The following SCRG1 variants were observed in gnomAD, a reference collection of about 807,000 sequenced individuals.
SCRG1 encodes the protein stimulator of chondrogenesis 1.
A neutral mutation model predicts 7.7 loss-of-function variants in SCRG1; 3 were observed. The ratio of observed to expected loss-of-function variants is 0.39; its 90% CI spans 0.18 to 1.01. The LOEUF (loss-of-function observed/expected upper bound fraction) is 1.01, where lower values mean the gene tolerates loss of function less well. Ranked by LOEUF, SCRG1 falls within the 50% of genes least tolerant of loss-of-function variation. The pLI is 0.36. For missense variants in SCRG1, 110 were observed against 117.2 expected, an observed-to-expected ratio of 0.94 and a Z score of 0.28; for synonymous variants, 46 against 41.2, an observed-to-expected ratio of 1.12 and a Z score of -0.44.
chr4:173,459,566 A>G, the SCRG1 span, among the ~76,000 whole-genome samples: 1 of 152,230 alleles, frequency 6.6e-6, no homozygotes, highest in Admixed American at 6.5e-5. Context: ...GAAACAGAAG[A>G]AAATAAAAAC....
At chr4:173,391,465 G>A in intron 1 of SCRG1, 37 bp from the exon 2 acceptor site, 1 of 1,603,294 alleles carries the variant, frequency 6.2e-7, no homozygotes, top group Non-Finnish European at 8.5e-7. Context: ...GTCAATGTTT[G>A]TTTTTTAAAG....
the SCRG1 span, chr4:173,419,447 A>G: frequency 9.9e-7 from 1 of 1,005,116 alleles, no homozygotes; most frequent in Admixed American, 1.8e-5. Context: ...GTCTGGAGTT[A>G]CGCTGTTCTT....
chr4:173,480,780 A>G, the SCRG1 span, among the ~76,000 whole-genome samples: 3 of 152,092 alleles, frequency 2.0e-5, no homozygotes, highest in African/African-American at 7.2e-5. Context: ...TTTTAAATGT[A>G]TGCTGAAGTA....
chr4:173,460,481 A>T, the SCRG1 span, among the ~76,000 whole-genome samples: 73,149 of 152,046 alleles, frequency 0.48, 20,683 homozygotes, highest in Non-Finnish European at 0.64. Context: ...CAGCTAAGCC[A>T]CAGTAGGATA....
chr4:173,491,607 A>C, the SCRG1 span, among the ~76,000 whole-genome samples: 3 of 152,208 alleles, frequency 2.0e-5, no homozygotes, highest in Non-Finnish European at 2.9e-5. Flanking sequence ...TAATATCTGC[A>C]AGTACAGGGT....
the SCRG1 span, among the ~76,000 whole-genome samples, chr4:173,425,881 C>T: frequency 1.3e-5 from 2 of 152,220 alleles, no homozygotes; most frequent in African/African-American, 2.4e-5. Flanking sequence ...TGAGCACTTA[C>T]AATGGGCCAG....
At chr4:173,444,601 G>T in the SCRG1 span, among the ~76,000 whole-genome samples, 9 of 152,168 alleles carry the variant, frequency 5.9e-5, no homozygotes, top group African/African-American at 2.2e-4. Flanking sequence ...GATTTCTGCT[G>T]GTCATACTAT....
the SCRG1 span, among the ~76,000 whole-genome samples, chr4:173,507,909 C>T: frequency 9.7e-3 from 1,483 of 152,346 alleles, 19 homozygotes; most frequent in African/African-American, 0.034. This position sits in a 1 kb window ranked among gnomAD's most constrained non-coding sequence, Gnocchi z 4.4. Flanking sequence ...CGAGGCCCCT[C>T]CGCTGGTGGG....
chr4:173,412,941 T>A, the SCRG1 span, among the ~76,000 whole-genome samples: 1 of 152,138 alleles, frequency 6.6e-6, no homozygotes, highest in Non-Finnish European at 1.5e-5. Context: ...AAATACTCAA[T>A]TTCCCCCATC....
At chr4:173,440,323 A>G in the SCRG1 span, among the ~76,000 whole-genome samples, 4,768 of 152,256 alleles carry the variant, frequency 0.031, 224 homozygotes, top group African/African-American at 0.1. Flanking sequence ...CCTACTCCTC[A>G]CCATGGAATA....
chr4:173,388,932 G>A lies in SCRG1; in HGVS notation c.243-537C>T, dbSNP rs148909818. 2.4e-3 allele frequency among the ~76,000 whole-genome samples: 358 copies of A among 152,164 alleles called. 1 individual carries two copies. The highest frequency in any genetic ancestry group is 8.3e-3 in the African/African-American group (344 of 41,524). ...TTATGGCTTATTAGAAATATACTTA[G>A]CAGTATTTCTCTTTGATTTTCCCAA... is the stretch of plus-strand genomic sequence containing the variant. On this transcript the variant is annotated intron_variant, in intron 2 of 2. Transcript: ENST00000296506.
At chr4:173,516,456 G>A in the SCRG1 span, among the ~76,000 whole-genome samples, 1 of 152,294 alleles carries the variant, frequency 6.6e-6, no homozygotes, top group South Asian at 2.1e-4. Flanking sequence ...TCTAAAGAAA[G>A]CACTGGTATC....
At chr4:173,512,331 C>T in the SCRG1 span, among the ~76,000 whole-genome samples, 1 of 152,142 alleles carries the variant, frequency 6.6e-6, no homozygotes, top group African/African-American at 2.4e-5. Context: ...AAAATCTGTT[C>T]AGAGGAAATG....
chr4:173,484,113 A>G, the SCRG1 span, among the ~76,000 whole-genome samples: 2 of 84,434 alleles, frequency 2.4e-5, no homozygotes, highest in African/African-American at 9.4e-5. Flanking sequence ...TATATAATAT[A>G]TAATATACAA....
At chr4:173,475,105 T>C in the SCRG1 span, among the ~76,000 whole-genome samples, 1 of 152,088 alleles carries the variant, frequency 6.6e-6, no homozygotes, top group African/African-American at 2.4e-5. Context: ...AACTATATCA[T>C]CTTCTGCTTA....
the SCRG1 span, among the ~76,000 whole-genome samples, chr4:173,467,622 C>T: frequency 3.3e-5 from 5 of 152,224 alleles, no homozygotes; most frequent in African/African-American, 7.2e-5. Context: ...GAACCCCTCC[C>T]GCTGGTGCAA....
chr4:173,421,338 T>A, the SCRG1 span, among the ~76,000 whole-genome samples: 2 of 151,974 alleles, frequency 1.3e-5, no homozygotes, highest in African/African-American at 4.8e-5. Flanking sequence ...AGAAGCTCAA[T>A]AAATTGTCGA....
chr4:173,510,873 TCC>T, the SCRG1 span, among the ~76,000 whole-genome samples: 1 of 152,134 alleles, frequency 6.6e-6, no homozygotes, highest in African/African-American at 2.4e-5. This position sits in a 1 kb window ranked among gnomAD's most constrained non-coding sequence, Gnocchi z 5.7. Context: ...GAAACACGAT[TCC>T]CTCTCCCTAG....
At chr4:173,474,633 T>C in the SCRG1 span, among the ~76,000 whole-genome samples, 1 of 152,214 alleles carries the variant, frequency 6.6e-6, no homozygotes, top group African/African-American at 2.4e-5. Context: ...ACTTTCCCAT[T>C]GGAGGTGTCG....
Sources: allele counts gnomAD v4.1 joint callset (sites outside exome capture counted in the v4.1 genomes callset), GRCh38; gene constraint gnomAD v4.1.1; non-coding constraint Gnocchi (gnomAD v3.1); transcripts MANE v1.5; gene names NCBI Gene and HGNC (gene_info 2026-07-23, HGNC 2026-07-21).